Variants in CLPP observed in about 807,000 individuals in gnomAD.
CLPP encodes caseinolytic mitochondrial matrix peptidase proteolytic subunit, also known as ATP-dependent Clp protease proteolytic subunit, mitochondrial.
A neutral mutation model predicts 27.4 loss-of-function variants in CLPP; 14 were observed. The observed-to-expected ratio is 0.51, with a 90% confidence interval of 0.34 to 0.80. The LOEUF (loss-of-function observed/expected upper bound fraction) is 0.80, where lower values mean the gene tolerates loss of function less well. Ranked by LOEUF, CLPP falls within the 30% of genes least tolerant of loss-of-function variation. The pLI is 0.02. For missense variants in CLPP, 361 were observed against 403.6 expected, an observed-to-expected ratio of 0.89 and a Z score of 0.90; for synonymous variants, 193 against 166.6, an observed-to-expected ratio of 1.16 and a Z score of -1.22.
At position 6,361,599 on chromosome 19, in the gene CLPP, G is replaced by A. The variant is rs576318049; in HGVS notation, c.25G>A (p.Gly9Arg). Residue 9 changes from glycine to arginine, a missense_variant, in exon 1 of 6, where the codon GGG becomes AGG. Physicochemically the swap from Gly to Arg is moderately radical, Grantham distance 125 (BLOSUM62 -2). Around this residue, in one of 2 missense-constraint regions of CLPP, gnomAD observed 148 missense variants for 122.6 expected, o/e 1.21. Coordinates refer to ENST00000245816, the MANE Select transcript of CLPP (RefSeq NM_006012.4). ...GATGTGGCCCGGAATATTGGTAGGG[G>A]GGGCCCGGGTGGCGTCATGCAGGTA... MWPGILVG[G>R]ARVASCRYPA... 1 of 1,413,996 alleles carries A rather than the reference G, an allele frequency of 7.1e-7. No homozygotes were observed. Among genetic ancestry groups the A allele is most frequent in the Non-Finnish European group, 9.2e-7 (1 of 1,082,696 alleles). 87.6% of individuals were successfully genotyped at this position (1,413,996 alleles called of 1,614,324 possible). A position where few individuals can be genotyped will look rare whatever the true frequency, so the allele number is the denominator to read the frequency against.
intron 5 of CLPP, among the ~76,000 whole-genome samples, chr19:6,368,124 C>T (rs1171249367): frequency 6.6e-6 from 1 of 152,158 alleles, no homozygotes; most frequent in Admixed American, 6.5e-5. Flanking sequence ...ATGTCTCAGT[C>T]AGCTTGAGCT....
rs1331066011 is a variant in CLPP, at chr19:6,369,386, GC to G, written c.*678del. On this transcript the variant is annotated 3_prime_UTR_variant, in exon 6 of 6. Transcript: ENST00000245816. Reference sequence around the variant, plus strand: ...AGCAGGATCACGCCACTGCCCTTTAGCCTGGGCAACAGAGCAAGGCTCTGTC... The same window carrying G: ...AGCAGGATCACGCCACTGCCCTTTAGCTGGGCAACAGAGCAAGGCTCTGTC... Among the ~76,000 whole-genome samples, 2 of 149,684 alleles carry G rather than the reference GC, an allele frequency of 1.3e-5. No individual in the cohort carries two copies. The highest frequency in any genetic ancestry group is 2.9e-5 in the Non-Finnish European group (2 of 67,808).
Position 6,361,778 on chromosome 19 carries a change from G to A in CLPP, c.198+6G>A, listed in dbSNP as rs1345367490. On this transcript the variant is annotated splice_donor_region_variant and intron_variant, in intron 1 of 5. Transcript: ENST00000245816. The stretch of plus-strand genomic sequence containing the variant: ...CCATCGTGGTGGAGCAGACGGTACG[G>A]CGGCCGGGCGGGGACACGGTTCGGG... The A allele has an allele frequency of 6.4e-7, 1 of 1,553,540 alleles. No individual in the cohort carries two copies. Among genetic ancestry groups the A allele is most frequent in the East Asian group, 2.3e-5 (1 of 42,960 alleles).
intron 3 of CLPP, among the ~76,000 whole-genome samples, chr19:6,363,574 A>G (rs10425052): frequency 0.032 from 4,894 of 152,214 alleles, 280 homozygotes; most frequent in African/African-American, 0.11. Context: ...AACCCCTGGA[A>G]GCATTTGTGT....
In CLPP at chr19:6,367,865, G is replaced by A. The variant is rs143650770; in HGVS notation, c.662-673G>A. Among the ~76,000 whole-genome samples the A allele has an allele frequency of 7.9e-5, 12 of 151,854 alleles. No homozygotes were observed. The East Asian group carries it at 1.9e-3, about 25-fold the overall frequency. Reference sequence around the variant, plus strand: ...TTACAGGCGTGTGCCACCACACCTGGCTCATTTTTGTATTTTTAGTAGAGA... The same window carrying A: ...TTACAGGCGTGTGCCACCACACCTGACTCATTTTTGTATTTTTAGTAGAGA... On this transcript the variant is annotated intron_variant, in intron 5 of 5. Coordinates refer to ENST00000245816, the MANE Select transcript of CLPP (RefSeq NM_006012.4).
chr19:6,363,366 ACCC>A (rs1370579742), intron 3 of CLPP, among the ~76,000 whole-genome samples: 5 of 151,272 alleles, frequency 3.3e-5, no homozygotes, highest in Non-Finnish European at 7.4e-5. Context: ...CAAGTGATCC[ACCC>A]GCCTCAGCCT....
intron 2 of CLPP, 191 bp downstream of exon 2, chr19:6,362,131 G>A: frequency 1.7e-6 from 1 of 597,110 alleles, no homozygotes; most frequent in Non-Finnish European, 2.9e-6. Context: ...TCTGCTCCTC[G>A]GCTCTTAATC....
chr19:6,364,324 CCAGT>C, intron 3 of CLPP, 124 bp from the exon 4 acceptor site: 1 of 841,126 alleles, frequency 1.2e-6, no homozygotes, highest in South Asian at 1.7e-5. Context: ...GCCACAGCGC[CCAGT>C]CATATTAATT....
chr19:6,367,653 G>T lies in CLPP; in HGVS notation c.662-885G>T, dbSNP rs540785259. 7.2e-4 allele frequency among the ~76,000 whole-genome samples: 110 copies of T among 151,860 alleles called. 5 individuals are homozygous for T. The South Asian group carries it at 0.023, about 31-fold the overall frequency. ...TGGTCCTGTAGGGTATGTTCAGTCT[G>T]AAAATCCATCCCACCAGACATTTAC... On this transcript the variant is annotated intron_variant, in intron 5 of 5. Coordinates refer to ENST00000245816, the MANE Select transcript of CLPP (RefSeq NM_006012.4).
chr19:6,364,161 G>A (rs1313516729), intron 3 of CLPP, among the ~76,000 whole-genome samples: 1 of 151,176 alleles, frequency 6.6e-6, no homozygotes, highest in Non-Finnish European at 1.5e-5. Flanking sequence ...CTCCGGAATA[G>A]CTGGGACTAC....
chr19:6,362,932 G>C (rs558235577), intron 3 of CLPP, among the ~76,000 whole-genome samples: 10 of 152,110 alleles, frequency 6.6e-5, no homozygotes, highest in Admixed American at 5.9e-4. Flanking sequence ...TACAAAAAAA[G>C]TACAAAGATT....
chr19:6,366,407 A>G (rs780229341), intron 5 of CLPP, 44 bp downstream of exon 5: 15 of 1,463,236 alleles, frequency 1.0e-5, no homozygotes, highest in Admixed American at 5.6e-5. Flanking sequence ...GCACAGACGG[A>G]CCAGGCGTTG....
Position 6,370,008 on chromosome 19 carries a change from G to C in CLPP, c.*1298G>C, listed in dbSNP as rs944989931. ...GATGGCAGCCCTGGCCGAGTGATGA[G>C]AAAAAGTCAGATTCTAGCTAGGTGG... is the stretch of plus-strand genomic sequence containing the variant. On this transcript the variant is annotated 3_prime_UTR_variant, in exon 6 of 6. Coordinates refer to ENST00000245816, the MANE Select transcript of CLPP (RefSeq NM_006012.4). 6.6e-6 allele frequency among the ~76,000 whole-genome samples: 1 copy of C among 152,118 alleles called. No homozygotes were observed. Among genetic ancestry groups the C allele is most frequent in the African/African-American group, 2.4e-5 (1 of 41,406 alleles).
intron 3 of CLPP, among the ~76,000 whole-genome samples, chr19:6,362,881 A>T (rs1042291814): frequency 2.6e-5 from 4 of 152,000 alleles, no homozygotes; most frequent in African/African-American, 9.7e-5. Context: ...CGAGCTCAGG[A>T]GTTCAAGACC....
Position 6,369,132 on chromosome 19 carries a change from A to G in CLPP, c.*422A>G, listed in dbSNP as rs931217829. 6.6e-6 allele frequency among the ~76,000 whole-genome samples: 1 copy of G among 152,208 alleles called. No homozygotes were observed. On this transcript the variant is annotated 3_prime_UTR_variant, in exon 6 of 6. Transcript: ENST00000245816. ...GTGGCAGTAGACAGTTACTAAAAAA[A>G]ACAAAACAGGCCAGGCGCGCTGGCT... is the stretch of plus-strand genomic sequence containing the variant.
chr19:6,369,575 G>T lies in CLPP; in HGVS notation c.*865G>T, dbSNP rs367848234. On this transcript the variant is annotated 3_prime_UTR_variant, in exon 6 of 6. Transcript: ENST00000245816. ...GGTGGAGCCTGTGTCCAGGCAGAGG[G>T]CACAGCCAGTGCAAAGGCCCTGTGA... Among the ~76,000 whole-genome samples, 1 of 152,214 alleles carries T rather than the reference G, an allele frequency of 6.6e-6. No individual in the cohort carries two copies. Among genetic ancestry groups the T allele is most frequent in the Non-Finnish European group, 1.5e-5 (1 of 68,040 alleles).
chr19:6,363,177 G>A (rs2091845001), intron 3 of CLPP, among the ~76,000 whole-genome samples: 1 of 149,456 alleles, frequency 6.7e-6, no homozygotes, highest in Admixed American at 6.6e-5. Context: ...CCAGGCTGGA[G>A]TGCAGTGTTG....
chr19:6,362,002 CGCCCCTCCTTCCCTG>C, intron 2 of CLPP, 62 bp downstream of exon 2: 1 of 1,466,952 alleles, frequency 6.8e-7, no homozygotes, highest in Non-Finnish European at 9.3e-7. Context: ...ACACTCCCTG[CGCCCCTCCTTCCCTG>C]GCCCCAGACT....
At chr19:6,361,808 C>T (rs1285665102) in intron 1 of CLPP, 36 bp downstream of exon 1, 2 of 1,572,056 alleles carry the variant, frequency 1.3e-6, no homozygotes, top group Non-Finnish European at 1.7e-6. Flanking sequence ...TTCGGGGGCT[C>T]CGGGCTGGGT....
Sources: allele counts gnomAD v4.1 joint callset (sites outside exome capture counted in the v4.1 genomes callset), GRCh38; gene constraint gnomAD v4.1.1; regional missense constraint gnomAD v4.1.1; transcripts MANE v1.5; gene names NCBI Gene and HGNC (gene_info 2026-07-23, HGNC 2026-07-21).